The following MCCC1 variants were observed in gnomAD, a reference collection of about 807,000 sequenced individuals.
MCCC1 encodes the protein methylcrotonyl-CoA carboxylase subunit 1, also known as methylcrotonoyl-CoA carboxylase subunit alpha, mitochondrial.
MCCC1 carries 64 observed loss-of-function variants against 83.8 expected under a neutral mutation model. That is an observed-to-expected ratio of 0.76 (90% CI 0.62 to 0.94). The LOEUF is 0.94. Ranked by LOEUF, MCCC1 falls within the 40% of genes least tolerant of loss-of-function variation. The pLI, the probability that MCCC1 is intolerant of heterozygous loss-of-function variation, is 0.00. For synonymous variants in MCCC1, 322 were observed against 315.4 expected, an observed-to-expected ratio of 1.02 and a Z score of -0.22; for missense variants, 807 against 904.7, an observed-to-expected ratio of 0.89 and a Z score of 1.39.
At chr3:183,035,323 C>A (rs1437635877) in intron 13 of MCCC1, among the ~76,000 whole-genome samples, 1 of 152,152 alleles carries the variant, frequency 6.6e-6, no homozygotes, top group African/African-American at 2.4e-5. Flanking sequence ...GAGCACAAAT[C>A]TTCTAAAGAT....
At chr3:183,065,211 GA>G (rs771485964) in intron 7 of MCCC1, among the ~76,000 whole-genome samples, 42 of 144,598 alleles carry the variant, frequency 2.9e-4, no homozygotes, top group Admixed American at 9.7e-4. Flanking sequence ...GCAGGTCCCT[GA>G]AAAAAAAAAA....
chr3:183,061,169 G>A (rs575427550), intron 7 of MCCC1, among the ~76,000 whole-genome samples: 32 of 152,314 alleles, frequency 2.1e-4, no homozygotes, highest in Middle Eastern at 3.4e-3. Context: ...GGGTATGGGG[G>A]AGGGAAAGCA....
At chr3:183,020,333 T>A in intron 16 of MCCC1, 96 bp from the exon 17 acceptor site, 1 of 1,032,018 alleles carries the variant, frequency 9.7e-7, no homozygotes, top group Non-Finnish European at 1.5e-6. Flanking sequence ...AGCAATTTGT[T>A]AAATATTAGT....
intron 18 of MCCC1, 150 bp downstream of exon 18, chr3:183,017,116 A>G: frequency 1.4e-6 from 1 of 719,070 alleles, no homozygotes; most frequent in Non-Finnish European, 2.5e-6. Flanking sequence ...TACAAGAAGG[A>G]TAGTTTGGTT....
intron 16 of MCCC1, among the ~76,000 whole-genome samples, chr3:183,020,863 T>A (rs1486326836): frequency 6.6e-6 from 1 of 151,900 alleles, no homozygotes; most frequent in African/African-American, 2.4e-5. Context: ...ATCAAAACCA[T>A]CCTGGCTAAC....
chr3:183,114,137 G>T (rs1332132882), intron 1 of MCCC1, among the ~76,000 whole-genome samples: 1 of 152,166 alleles, frequency 6.6e-6, no homozygotes, highest in Non-Finnish European at 1.5e-5. Flanking sequence ...TATCCGCAGT[G>T]CCCAAGAATT....
chr3:183,102,806 A>G (rs1719338582), upstream of MCCC1, among the ~76,000 whole-genome samples: 1 of 39,276 alleles, frequency 2.5e-5, no homozygotes. Flanking sequence ...TTTTTTTTTG[A>G]GACGAAGTCT....
chr3:183,072,838 A>AT, intron 4 of MCCC1, among the ~76,000 whole-genome samples: 1 of 152,314 alleles, frequency 6.6e-6, no homozygotes, highest in South Asian at 2.1e-4. Flanking sequence ...TCCAAACATA[A>AT]TTCTCCATTC....
At position 183,039,131 on chromosome 3, in the gene MCCC1, G is replaced by A. The variant is rs779316162; in HGVS notation, c.1272C>T (p.Asp424=). The change falls in exon 12 of 19, where the codon GAC becomes GAT. Residue 424 remains aspartate, a synonymous_variant. Transcript: ENST00000265594. ...TRIETGVRQG[D]EVSVHYDPMI... Reference sequence around the variant, plus strand: ...TGGGGTCATAATGCACGGAAACTTCGTCTCCTGAAATTGAAAACCACGGTA... The same window carrying A: ...TGGGGTCATAATGCACGGAAACTTCATCTCCTGAAATTGAAAACCACGGTA... 16 of 1,614,170 alleles carry A rather than the reference G, an allele frequency of 9.9e-6. No homozygotes were observed. Among genetic ancestry groups the A allele is most frequent in the Middle Eastern group, 1.6e-4 (1 of 6,062 alleles).
chr3:183,047,925 T>C (rs563144471), intron 9 of MCCC1, among the ~76,000 whole-genome samples: 4 of 152,306 alleles, frequency 2.6e-5, no homozygotes, highest in Non-Finnish European at 2.9e-5. Flanking sequence ...GAAACAATAA[T>C]AACATGTTAC....
intron 13 of MCCC1, among the ~76,000 whole-genome samples, chr3:183,036,775 A>G (rs898885785): frequency 3.9e-5 from 6 of 151,916 alleles, no homozygotes; most frequent in African/African-American, 1.5e-4. Flanking sequence ...TCCTGACATC[A>G]TGATCCGCCC....
At chr3:183,111,921 A>T (rs1490097530) in intron 1 of MCCC1, among the ~76,000 whole-genome samples, 1 of 152,102 alleles carries the variant, frequency 6.6e-6, no homozygotes, top group Non-Finnish European at 1.5e-5. Flanking sequence ...TTAAAATGTT[A>T]TTTTGTTACA....
chr3:183,020,144 C>T lies in MCCC1; in HGVS notation c.1963G>A (p.Gly655Arg). ...CATGTGATTACCTTTTCAATGGTTC[C>T]AGTCATAGGAGCTAAGGGGCCGCCC... ...TQGGPLAPMTGTIEKVFVKAG... is the reference protein window; with the variant it reads ...TQGGPLAPMTRTIEKVFVKAG... The change falls in exon 17 of 19, where the codon GGA becomes AGA. Residue 655 changes from glycine (G) to arginine (R), a missense_variant. By Grantham distance (125) the Gly-to-Arg change is moderately radical. Coordinates refer to ENST00000265594, the MANE Select transcript of MCCC1 (RefSeq NM_020166.5). 6.2e-7 allele frequency: 1 copy of T among 1,612,966 alleles called. No homozygotes were observed. Among genetic ancestry groups the T allele is most frequent in the Non-Finnish European group, 8.5e-7 (1 of 1,179,032 alleles).
chr3:183,023,674 G>A (rs1712345115), intron 15 of MCCC1, among the ~76,000 whole-genome samples: 1 of 152,164 alleles, frequency 6.6e-6, no homozygotes, highest in Non-Finnish European at 1.5e-5. Flanking sequence ...AAAGTGTTGG[G>A]AGGTCTAATA....
chr3:183,019,011 C>T (rs968993804), intron 17 of MCCC1, among the ~76,000 whole-genome samples: 1 of 152,164 alleles, frequency 6.6e-6, no homozygotes, highest in African/African-American at 2.4e-5. Flanking sequence ...GCAGAGATGC[C>T]TGCACTATGA....
At chr3:183,022,219 A>G (rs1006329497) in intron 16 of MCCC1, among the ~76,000 whole-genome samples, 198 bp downstream of exon 16, 2 of 152,250 alleles carry the variant, frequency 1.3e-5, no homozygotes, top group African/African-American at 4.8e-5. Context: ...CATCTGTGTG[A>G]ACGAGAGAAG....
At chr3:183,088,514 T>C (rs1191162379) in intron 3 of MCCC1, among the ~76,000 whole-genome samples, 1 of 152,160 alleles carries the variant, frequency 6.6e-6, no homozygotes, top group East Asian at 1.9e-4. Context: ...GCCTGTTTTT[T>C]ACTTTTAACT....
At position 183,107,357 on chromosome 3, in the gene MCCC1, G is replaced by T. The variant is rs1278645787; in HGVS notation, c.-102+8117C>A. On this transcript the variant is annotated intron_variant, in intron 1 of 17. Coordinates refer to the MCCC1 transcript ENST00000492597. ...CAGGAGGTGGAGGTTGCAGTGAGCT[G>T]AGATCGTGCCTTTGCACTCCAGCCT... Among the ~76,000 whole-genome samples the T allele has an allele frequency of 2.7e-5, 4 of 150,368 alleles. No individual in the cohort carries two copies. The East Asian group carries it at 7.8e-4, about 29-fold the overall frequency.
intron 9 of MCCC1, among the ~76,000 whole-genome samples, chr3:183,051,777 G>C (rs1399391689): frequency 2.8e-5 from 4 of 141,698 alleles, no homozygotes; most frequent in South Asian, 4.8e-4. Context: ...GTATCCGAGT[G>C]GGGGACAGGG....
Sources: gnomAD v4.1 joint callset for allele counts (sites outside exome capture counted in the v4.1 genomes callset) on GRCh38, gnomAD v4.1.1 for gene constraint, MANE v1.5 for transcripts, NCBI Gene and HGNC (gene_info 2026-07-23, HGNC 2026-07-21) for gene names.